Variants in SMAD5 observed in about 807,000 individuals in gnomAD.
The protein encoded by SMAD5 is SMAD family member 5.
Under a neutral mutation model 43.1 loss-of-function variants are expected in SMAD5, and 9 were observed. That is an observed-to-expected ratio of 0.21 (90% CI 0.13 to 0.36). The LOEUF (loss-of-function observed/expected upper bound fraction) is 0.36, where lower values mean the gene tolerates loss of function less well. SMAD5 is among the 10% of genes least tolerant of loss of function. SMAD5 has a pLI of 1.00. For synonymous variants in SMAD5, 190 were observed against 192.4 expected, an observed-to-expected ratio of 0.99 and a Z score of 0.10; for missense variants, 348 against 574.0, an observed-to-expected ratio of 0.61 and a Z score of 4.02.
chr5:136,156,809 G>C (rs1753653144), intron 3 of SMAD5, among the ~76,000 whole-genome samples: 1 of 152,026 alleles, frequency 6.6e-6, no homozygotes, highest in South Asian at 2.1e-4. Flanking sequence ...AAAAGACTGG[G>C]GCATAGCTCT....
At chr5:136,149,686 C>G (rs1390562590) in intron 2 of SMAD5, among the ~76,000 whole-genome samples, 2 of 151,750 alleles carry the variant, frequency 1.3e-5, no homozygotes, top group African/African-American at 4.8e-5. Context: ...GAATTTTTCT[C>G]CTTTTGTAAT....
chr5:136,154,255 T>A (rs1468546201), intron 3 of SMAD5, 92 bp downstream of exon 3: 1 of 774,482 alleles, frequency 1.3e-6, no homozygotes, highest in Non-Finnish European at 1.9e-6. Flanking sequence ...AATGAAAAGG[T>A]TGTATTAGCT....
At chr5:136,133,878 T>C (rs1752772669) in intron 1 of SMAD5, 1 of 154,748 alleles carries the variant, frequency 6.5e-6, no homozygotes, top group Non-Finnish European at 1.5e-5. Context: ...TTGGGGTATT[T>C]GGACGTTTGC....
intron 1 of SMAD5, among the ~76,000 whole-genome samples, chr5:136,136,643 A>G (rs534835252): frequency 2.0e-5 from 3 of 152,276 alleles, no homozygotes; most frequent in South Asian, 4.2e-4. Flanking sequence ...TTGTTTTCCA[A>G]CCTGGAAAGA....
chr5:136,141,838 C>T, intron 1 of SMAD5, among the ~76,000 whole-genome samples: 1 of 151,968 alleles, frequency 6.6e-6, no homozygotes, highest in East Asian at 1.9e-4. Flanking sequence ...TTGTATAACC[C>T]CAAGTATATT....
intron 3 of SMAD5, among the ~76,000 whole-genome samples, chr5:136,155,025 T>A (rs950358120): frequency 6.6e-6 from 1 of 152,188 alleles, no homozygotes; most frequent in Non-Finnish European, 1.5e-5. Context: ...ATTATTTCTT[T>A]ATGTGCTTTC....
chr5:136,138,517 C>T (rs897144566), intron 1 of SMAD5, among the ~76,000 whole-genome samples: 2 of 152,104 alleles, frequency 1.3e-5, no homozygotes, highest in African/African-American at 2.4e-5. Context: ...CTCCTCTCTG[C>T]GTGCAGTTGT....
intron 7 of SMAD5, among the ~76,000 whole-genome samples, chr5:136,176,207 A>T (rs1052972822): frequency 6.6e-6 from 1 of 151,770 alleles, no homozygotes; most frequent in Non-Finnish European, 1.5e-5. Flanking sequence ...TAATCCCAGC[A>T]CTTTGGGAGG....
intron 5 of SMAD5, among the ~76,000 whole-genome samples, chr5:136,170,049 G>C (rs1050567130): frequency 2.6e-5 from 4 of 151,238 alleles, no homozygotes; most frequent in African/African-American, 7.3e-5. Flanking sequence ...TCTGTGGCTT[G>C]TCTCCTCATT....
At chr5:136,159,773 A>T (rs1478402919) in intron 3 of SMAD5, among the ~76,000 whole-genome samples, 1 of 152,280 alleles carries the variant, frequency 6.6e-6, no homozygotes. Flanking sequence ...ATGCAGTAGA[A>T]TGAAATGAAA....
chr5:136,157,971 A>C (rs1396468816), intron 3 of SMAD5, among the ~76,000 whole-genome samples: 10 of 152,184 alleles, frequency 6.6e-5, no homozygotes, highest in Admixed American at 6.5e-4. Context: ...CCTCATTGTA[A>C]AATGGTAATA....
intron 7 of SMAD5, among the ~76,000 whole-genome samples, chr5:136,175,650 T>G (rs13162935): frequency 6.6e-6 from 1 of 152,198 alleles, no homozygotes; most frequent in Non-Finnish European, 1.5e-5. Context: ...ATCTACATGG[T>G]TCTTAAGAAT....
intron 1 of SMAD5, chr5:136,134,534 A>T (rs978801059): frequency 6.6e-6 from 1 of 152,234 alleles, no homozygotes; most frequent in Non-Finnish European, 1.5e-5. Context: ...AAATATCATT[A>T]TGAAATTAGT....
rs755137249 is a variant in SMAD5 at position 136,160,994 on chromosome 5, A to G, written c.542A>G (p.Asn181Ser). The G allele has an allele frequency of 3.1e-6, 5 of 1,613,726 alleles. No individual in the cohort carries two copies. The highest frequency in any genetic ancestry group is 1.7e-5 in the Admixed American group (1 of 59,990). Residue 181 changes from asparagine to serine, a missense_variant, in exon 4 of 8, where the codon AAC (asparagine) becomes AGC (serine). By Grantham distance (46) the Asn-to-Ser change is conservative. Around this residue, in one of 5 missense-constraint regions of SMAD5, gnomAD observed 185 missense variants for 207.0 expected, o/e 0.89. Transcript: ENST00000545279. ...TTTCCAGATTCTTTCCACCAGCCCAACAACACTCCTTTTCCCTTATCTCCA... is the reference window on the plus strand; with the variant it reads ...TTTCCAGATTCTTTCCACCAGCCCAGCAACACTCCTTTTCCCTTATCTCCA... Reference protein sequence around the residue: ...ATFPDSFHQPNNTPFPLSPNS... With the variant: ...ATFPDSFHQPSNTPFPLSPNS...
Position 136,172,578 on chromosome 5 carries a change from G to A in SMAD5, c.920G>A (p.Ser307Asn), listed in dbSNP as rs1004081467. 2 of 1,613,330 alleles carry A rather than the reference G, an allele frequency of 1.2e-6. No homozygotes were observed. Among genetic ancestry groups the A allele is most frequent in the Middle Eastern group, 1.7e-4 (1 of 6,058 alleles). Residue 307 changes from serine (S) to asparagine (N), a missense_variant, in exon 6 of 8, where the codon AGT becomes AAT. Ser to Asn is a conservative substitution (Grantham distance 46). Coordinates refer to ENST00000545279, the MANE Select transcript of SMAD5 (RefSeq NM_005903.7). ...DGFTDPSNNKSRFCLGLLSNV... is the reference protein window; with the variant it reads ...DGFTDPSNNKNRFCLGLLSNV... ...TTCACAGATCCTTCAAATAACAAAA[G>A]TAGATTCTGCTTGGGTTTGTTGTCA...
chr5:136,146,372 G>C (rs1461688911), intron 1 of SMAD5, among the ~76,000 whole-genome samples: 1 of 151,752 alleles, frequency 6.6e-6, no homozygotes, highest in Non-Finnish European at 1.5e-5. Flanking sequence ...ATGTAGAAGA[G>C]TATTATGGGG....
At chr5:136,135,732 C>CCA (rs1469976633) in intron 1 of SMAD5, among the ~76,000 whole-genome samples, 3 of 152,168 alleles carry the variant, frequency 2.0e-5, no homozygotes, top group Non-Finnish European at 4.4e-5. Context: ...AGGCAATGAG[C>CCA]CACACATCTG....
rs570721654 is a variant in SMAD5, at chr5:136,175,535, A to G, written c.1254+903A>G. ...GTTTTTCATCTACTCTCTTCACCTG[A>G]CTGTATTGACATTCCAAAGATTTGT... On this transcript the variant is annotated intron_variant, in intron 7 of 7. Transcript: ENST00000545279. Among the ~76,000 whole-genome samples the G allele has an allele frequency of 5.3e-5, 8 of 152,304 alleles. No individual in the cohort carries two copies. The East Asian group carries it at 1.5e-3, about 29-fold the overall frequency.
chr5:136,165,884 A>G (rs897009661), intron 5 of SMAD5, among the ~76,000 whole-genome samples: 3 of 151,792 alleles, frequency 2.0e-5, no homozygotes, highest in Non-Finnish European at 2.9e-5. Context: ...TACTGTGGAC[A>G]TGGGCGTACA....
Sources: allele counts gnomAD v4.1 joint callset (sites outside exome capture counted in the v4.1 genomes callset), GRCh38; gene constraint gnomAD v4.1.1; regional missense constraint gnomAD v4.1.1; transcripts MANE v1.5; gene names NCBI Gene and HGNC (gene_info 2026-07-23, HGNC 2026-07-21).